RCAN2: variants seen among roughly 807,000 people sequenced by gnomAD.
The protein encoded by RCAN2 is regulator of calcineurin 2.
RCAN2 carries 9 observed loss-of-function variants against 23.6 expected under a neutral mutation model. The ratio of observed to expected loss-of-function variants is 0.38; its 90% CI spans 0.23 to 0.67. The LOEUF (loss-of-function observed/expected upper bound fraction) is 0.67. Ranked by LOEUF, RCAN2 falls within the 30% of genes least tolerant of loss-of-function variation. RCAN2 has a pLI of 0.51. For synonymous variants in RCAN2, 109 were observed against 115.7 expected, an observed-to-expected ratio of 0.94 and a Z score of 0.37; for missense variants, 273 against 302.3, an observed-to-expected ratio of 0.90 and a Z score of 0.72.
chr6:46,255,372 A>G (rs1766872441), intron 2 of RCAN2, among the ~76,000 whole-genome samples: 1 of 152,104 alleles, frequency 6.6e-6, no homozygotes, highest in Non-Finnish European at 1.5e-5. Context: ...AAGAAGAGAA[A>G]CCAGGAGTAT....
chr6:46,277,971 T>C (rs569846886), intron 2 of RCAN2, among the ~76,000 whole-genome samples: 97 of 152,282 alleles, frequency 6.4e-4, no homozygotes, highest in Non-Finnish European at 1.2e-3. Flanking sequence ...GGAGGCGCTT[T>C]AAGAGGTAAC....
chr6:46,296,427 G>A (rs2150348467), intron 2 of RCAN2, among the ~76,000 whole-genome samples: 1 of 152,140 alleles, frequency 6.6e-6, no homozygotes, highest in Admixed American at 6.5e-5. Context: ...TATGTTAGCA[G>A]AGTGTAACTG....
intron 2 of RCAN2, among the ~76,000 whole-genome samples, chr6:46,274,704 C>T (rs1181439345): frequency 6.6e-6 from 1 of 152,148 alleles, no homozygotes; most frequent in Non-Finnish European, 1.5e-5. Context: ...CCTATGTTAA[C>T]AGTAGAGCAG....
intron 2 of RCAN2, among the ~76,000 whole-genome samples, chr6:46,383,425 T>A (rs753642436): frequency 1.3e-5 from 2 of 152,108 alleles, no homozygotes; most frequent in Non-Finnish European, 2.9e-5. Context: ...AAACAAATAG[T>A]TCTTGTGATA....
At chr6:46,247,052 C>T (rs2150317333) in intron 3 of RCAN2, 133 bp from the exon 4 acceptor site, 1 of 675,250 alleles carries the variant, frequency 1.5e-6, no homozygotes, top group East Asian at 2.9e-5. Flanking sequence ...TAATAATTAC[C>T]ACTTACCACA....
intron 2 of RCAN2, among the ~76,000 whole-genome samples, chr6:46,343,206 A>G (rs1040077921): frequency 5.9e-5 from 9 of 152,114 alleles, no homozygotes; most frequent in South Asian, 2.1e-4. Flanking sequence ...TCTTATGGGA[A>G]ACAATGGTGG....
chr6:46,315,194 T>G (rs1474275335), intron 2 of RCAN2, among the ~76,000 whole-genome samples: 3 of 152,010 alleles, frequency 2.0e-5, no homozygotes, highest in African/African-American at 7.3e-5. Context: ...CAAATGGGAG[T>G]CTATCATTCA....
chr6:46,226,949 G>T (rs1765689910), intron 4 of RCAN2, among the ~76,000 whole-genome samples: 1 of 152,166 alleles, frequency 6.6e-6, no homozygotes, highest in South Asian at 2.1e-4. Flanking sequence ...TATTACTTTT[G>T]AGATATGTTC....
intron 2 of RCAN2, among the ~76,000 whole-genome samples, chr6:46,335,912 G>A (rs1561864183): frequency 6.6e-6 from 1 of 152,182 alleles, no homozygotes; most frequent in Non-Finnish European, 1.5e-5. Flanking sequence ...AACATTCATA[G>A]GAGTTAATGT....
intron 2 of RCAN2, among the ~76,000 whole-genome samples, chr6:46,275,965 T>TG: frequency 6.6e-6 from 1 of 152,274 alleles, no homozygotes; most frequent in East Asian, 1.9e-4. Flanking sequence ...CCCAGCACTT[T>TG]GGGAGGCCAA....
intron 2 of RCAN2, among the ~76,000 whole-genome samples, chr6:46,413,524 G>A (rs966105043): frequency 2.6e-5 from 4 of 152,194 alleles, no homozygotes; most frequent in Non-Finnish European, 5.9e-5. Context: ...TGGAACAACA[G>A]TATAAATGCA....
intron 2 of RCAN2, among the ~76,000 whole-genome samples, chr6:46,452,964 T>A (rs9472751): frequency 1.3e-5 from 2 of 151,974 alleles, no homozygotes; most frequent in Non-Finnish European, 2.9e-5. Flanking sequence ...CTTTCAGGTT[T>A]CTTCTTATTC....
chr6:46,474,756 G>A (rs140406418), intron 1 of RCAN2, among the ~76,000 whole-genome samples: 3 of 152,136 alleles, frequency 2.0e-5, no homozygotes, highest in Non-Finnish European at 4.4e-5. Flanking sequence ...TTGGAGTTCC[G>A]CTGCCTTCAA....
chr6:46,368,977 ACT>A (rs1765252596), intron 2 of RCAN2, among the ~76,000 whole-genome samples: 1 of 152,084 alleles, frequency 6.6e-6, no homozygotes, highest in Non-Finnish European at 1.5e-5. Context: ...TTCTGTAATA[ACT>A]CTTAGCTTAG....
chr6:46,442,459 T>C (rs750827045), intron 2 of RCAN2, among the ~76,000 whole-genome samples: 8 of 152,244 alleles, frequency 5.3e-5, no homozygotes, highest in Non-Finnish European at 1.0e-4. Flanking sequence ...ACATTATTTT[T>C]ACAAAGTCAC....
At chr6:46,484,962 C>A (rs1768958584) in intron 1 of RCAN2, among the ~76,000 whole-genome samples, 2 of 152,170 alleles carry the variant, frequency 1.3e-5, no homozygotes, top group African/African-American at 4.8e-5. Context: ...CATCTGTATT[C>A]TCCTGCATTG....
chr6:46,320,712 G>A (rs1461854412), intron 2 of RCAN2, among the ~76,000 whole-genome samples: 1 of 152,082 alleles, frequency 6.6e-6, no homozygotes, highest in East Asian at 1.9e-4. Flanking sequence ...ACCTTAAAAA[G>A]GCCTTGGCCT....
chr6:46,325,024 T>C (rs573041392), intron 2 of RCAN2, among the ~76,000 whole-genome samples: 92 of 152,400 alleles, frequency 6.0e-4, no homozygotes, highest in Non-Finnish European at 1.1e-3. Context: ...GGGTTTATTA[T>C]GTGTGCTTTC....
intron 2 of RCAN2, among the ~76,000 whole-genome samples, chr6:46,274,631 C>T (rs1192792910): frequency 6.6e-6 from 1 of 152,176 alleles, no homozygotes; most frequent in Non-Finnish European, 1.5e-5. Context: ...ACCTGTGCCT[C>T]ACCACCTGGA....
Sources: allele counts gnomAD v4.1 joint callset (sites outside exome capture counted in the v4.1 genomes callset), GRCh38; gene constraint gnomAD v4.1.1; transcripts MANE v1.5; gene names NCBI Gene and HGNC (gene_info 2026-07-23, HGNC 2026-07-21).